ST3GAL4: variants seen among roughly 807,000 people sequenced by gnomAD.
ST3GAL4 encodes CMP-N-acetylneuraminate-beta-galactosamide-alpha-2,3-sialyltransferase 4.
ST3GAL4 carries 24 observed loss-of-function variants against 42.6 expected under a neutral mutation model. The observed-to-expected ratio is 0.56, with a 90% CI of 0.41 to 0.79. ST3GAL4 has a LOEUF of 0.79. ST3GAL4 is among the 30% of genes least tolerant of loss of function. The pLI is 0.00. For missense variants in ST3GAL4, 311 were observed against 430.8 expected (o/e 0.72, Z 2.46); for synonymous variants, 135 against 163.2 (o/e 0.83, Z 1.32).
rs1952306053 is a variant in ST3GAL4 at position 126,363,189 on chromosome 11, C to T, written c.-61+7347C>T. On this transcript the variant is annotated intron_variant, in intron 1 of 10. Transcript: ENST00000444328. This position sits in a 1 kb window ranked among gnomAD's most constrained non-coding sequence, Gnocchi z 4.6. Reference sequence around the variant, plus strand: ...GTGGGCCGTTTCTCTAGACCTCCTGCCCCCATCTCCTTCCTGTCCCTGTTT... The same window carrying T: ...GTGGGCCGTTTCTCTAGACCTCCTGTCCCCATCTCCTTCCTGTCCCTGTTT... 6.6e-6 allele frequency among the ~76,000 whole-genome samples: 1 copy of T among 152,200 alleles called. No homozygotes were observed. Among genetic ancestry groups the T allele is most frequent in the Non-Finnish European group, 1.5e-5 (1 of 68,022 alleles).
chr11:126,413,795 G>A, intron 10 of ST3GAL4, 147 bp downstream of exon 10: 1 of 1,414,632 alleles, frequency 7.1e-7, no homozygotes, highest in Non-Finnish European at 9.6e-7. Flanking sequence ...TCCCTGGCCA[G>A]CATCCTCCAT....
chr11:126,406,618 G>T lies in ST3GAL4; in HGVS notation c.101+61G>T. ...GTCAGGGACAGGGCTTAGGGATGGA[G>T]CATCATGGAGCGGGGGACCTAGTAG... On this transcript the variant is annotated intron_variant, in intron 3 of 10. Coordinates refer to ENST00000444328, the MANE Select transcript of ST3GAL4 (RefSeq NM_001254757.2). This position sits in a 1 kb window ranked among gnomAD's most constrained non-coding sequence, Gnocchi z 5.4. 2 of 1,610,548 alleles carry T rather than the reference G, an allele frequency of 1.2e-6. No homozygotes were observed. The highest frequency in any genetic ancestry group is 1.7e-6 in the Non-Finnish European group (2 of 1,178,216).
chr11:126,357,072 C>G (rs185162393), intron 1 of ST3GAL4, among the ~76,000 whole-genome samples: 1 of 152,304 alleles, frequency 6.6e-6, no homozygotes, highest in East Asian at 1.9e-4. Context: ...CAAAGCTGCC[C>G]GATAATTCTA....
Position 126,398,808 on chromosome 11 carries a change from C to T in ST3GAL4, c.-60-7288C>T, listed in dbSNP as rs1217742350. ...TGCCACCAAGACTCACCACTTGCAC[C>T]TTCTAGAATGGTAGGTCAAGCTGCA... On this transcript the variant is annotated intron_variant, in intron 1 of 10. Coordinates refer to ENST00000444328, the MANE Select transcript of ST3GAL4 (RefSeq NM_001254757.2). The surrounding 1 kb of genome is among the most constrained non-coding windows in gnomAD (Gnocchi z 4.7). Among the ~76,000 whole-genome samples, 1 of 152,204 alleles carries T rather than the reference C, an allele frequency of 6.6e-6. No homozygotes were observed. The highest frequency in any genetic ancestry group is 2.1e-4 in the South Asian group (1 of 4,832).
At chr11:126,365,762 G>C (rs1474136024) in intron 1 of ST3GAL4, among the ~76,000 whole-genome samples, 1 of 152,214 alleles carries the variant, frequency 6.6e-6, no homozygotes, top group African/African-American at 2.4e-5. Context: ...TTGGGTGCCG[G>C]GTGGGCTGAG....
chr11:126,408,030 G>A, intron 6 of ST3GAL4, 69 bp from the exon 7 acceptor site: 1 of 1,548,230 alleles, frequency 6.5e-7, no homozygotes, highest in Non-Finnish European at 8.8e-7. Flanking sequence ...GATGGGCCCA[G>A]GCAGATCCAG....
chr11:126,407,777 G>A (rs1174128870), intron 6 of ST3GAL4, 143 bp downstream of exon 6: 4 of 952,696 alleles, frequency 4.2e-6, no homozygotes, highest in Non-Finnish European at 6.3e-6. Context: ...AGCCTAGCCT[G>A]GGCATCTGGG....
At chr11:126,380,634 GA>G (rs1314218524) in intron 1 of ST3GAL4, among the ~76,000 whole-genome samples, 1 of 152,216 alleles carries the variant, frequency 6.6e-6, no homozygotes, top group African/African-American at 2.4e-5. Flanking sequence ...AGAGAGTGAT[GA>G]GGGCAATGAT....
At chr11:126,385,326 T>G (rs895176215) in intron 1 of ST3GAL4, among the ~76,000 whole-genome samples, 14 of 151,782 alleles carry the variant, frequency 9.2e-5, no homozygotes, top group African/African-American at 3.4e-4. Flanking sequence ...CTAATTTTTT[T>G]TATTTTTAGT....
chr11:126,413,115 G>T lies in ST3GAL4; in HGVS notation c.772-390G>T, dbSNP rs538665798. On this transcript the variant is annotated intron_variant, in intron 9 of 10. Coordinates refer to ENST00000444328, the MANE Select transcript of ST3GAL4 (RefSeq NM_001254757.2). ...TTTATATTTGTTTATTTTTAGAGAT[G>T]GGGGGGTCTCACTATGTTGCCCAGG... Among the ~76,000 whole-genome samples, 34 of 151,956 alleles carry T rather than the reference G, an allele frequency of 2.2e-4. No homozygotes were observed. The South Asian group carries it at 5.4e-3, about 24-fold the overall frequency.
chr11:126,406,184 C>T lies in ST3GAL4; in HGVS notation c.16+13C>T, dbSNP rs1308177498. 7.7e-6 allele frequency: 12 copies of T among 1,557,230 alleles called. No homozygotes were observed. Among genetic ancestry groups the T allele is most frequent in the East Asian group, 4.8e-5 (2 of 41,278 alleles). ...GTCAGCAAGTCCCGTGAGTGTCATCCGAGGGCTCCCCCACCCTGGAGGACA... is the reference window on the plus strand; with the variant it reads ...GTCAGCAAGTCCCGTGAGTGTCATCTGAGGGCTCCCCCACCCTGGAGGACA... On this transcript the variant is annotated intron_variant, in intron 2 of 10. Coordinates refer to ENST00000444328, the MANE Select transcript of ST3GAL4 (RefSeq NM_001254757.2). This position sits in a 1 kb window ranked among gnomAD's most constrained non-coding sequence, Gnocchi z 5.4.
chr11:126,373,649 G>T lies in ST3GAL4; in HGVS notation c.-61+17807G>T, dbSNP rs746475347. On this transcript the variant is annotated intron_variant, in intron 1 of 10. Coordinates refer to ENST00000444328, the MANE Select transcript of ST3GAL4 (RefSeq NM_001254757.2). The surrounding 1 kb of genome is among the most constrained non-coding windows in gnomAD (Gnocchi z 5.5). ...GGTGGGTAGCCTGTGGAGCCTGAGGGTGGGAACAGAGAGACTTCTTTTGCT... is the reference window on the plus strand; with the variant it reads ...GGTGGGTAGCCTGTGGAGCCTGAGGTTGGGAACAGAGAGACTTCTTTTGCT... Among the ~76,000 whole-genome samples the T allele has an allele frequency of 3.9e-5, 6 of 152,156 alleles. No individual in the cohort carries two copies. The highest frequency in any genetic ancestry group is 9.7e-5 in the African/African-American group (4 of 41,434).
intron 1 of ST3GAL4, among the ~76,000 whole-genome samples, chr11:126,404,681 A>T (rs561256921): frequency 1.4e-4 from 21 of 152,154 alleles, no homozygotes; most frequent in Non-Finnish European, 2.8e-4. Context: ...CAAACTGATC[A>T]CTTTTCTTTA....
chr11:126,394,414 C>T (rs1953648744), intron 1 of ST3GAL4, among the ~76,000 whole-genome samples: 1 of 152,176 alleles, frequency 6.6e-6, no homozygotes, highest in African/African-American at 2.4e-5. Flanking sequence ...CAGGCAGGCA[C>T]CAGGATATGA....
intron 1 of ST3GAL4, among the ~76,000 whole-genome samples, chr11:126,362,455 C>T (rs1359230126): frequency 6.6e-6 from 1 of 152,178 alleles, no homozygotes; most frequent in Non-Finnish European, 1.5e-5. Context: ...CCTGCCTCGG[C>T]CTCCCAAAGT....
Position 126,373,111 on chromosome 11 carries a change from CT to C in ST3GAL4, c.-61+17270del, listed in dbSNP as rs1359779548. ...CTGATGTCTTGAGTACTGTGCACCC[CT>C]GTGCCTGGCTGAGTAGTGGAGGAAC... is the stretch of plus-strand genomic sequence containing the variant. On this transcript the variant is annotated intron_variant, in intron 1 of 10. Transcript: ENST00000444328. This position sits in a 1 kb window ranked among gnomAD's most constrained non-coding sequence, Gnocchi z 5.5. Among the ~76,000 whole-genome samples, 7 of 152,238 alleles carry C rather than the reference CT, an allele frequency of 4.6e-5. No homozygotes were observed. The highest frequency in any genetic ancestry group is 1.7e-4 in the African/African-American group (7 of 41,462).
chr11:126,385,327 T>TA (rs559696821), intron 1 of ST3GAL4, among the ~76,000 whole-genome samples: 354 of 152,024 alleles, frequency 2.3e-3, no homozygotes, highest in African/African-American at 8.0e-3. Context: ...TAATTTTTTT[T>TA]ATTTTTAGTA....
At chr11:126,399,428 C>T (rs1399257042) in intron 1 of ST3GAL4, among the ~76,000 whole-genome samples, 1 of 150,310 alleles carries the variant, frequency 6.7e-6, no homozygotes, top group African/African-American at 2.5e-5. Flanking sequence ...CCTTAGCCTC[C>T]CTAATAGCTG....
At chr11:126,413,910 C>T in intron 10 of ST3GAL4, 51 bp from the exon 11 acceptor site, 1 of 1,601,932 alleles carries the variant, frequency 6.2e-7, no homozygotes, top group Non-Finnish European at 8.6e-7. Flanking sequence ...TTCCTGGGGA[C>T]AGAGAGGTCC....
Sources: gnomAD v4.1 joint callset for allele counts (sites outside exome capture counted in the v4.1 genomes callset) on GRCh38, gnomAD v4.1.1 for gene constraint, Gnocchi (gnomAD v3.1) non-coding constraint, MANE v1.5 for transcripts, NCBI Gene and HGNC (gene_info 2026-07-23, HGNC 2026-07-21) for gene names.